The following SMURF1 variants were observed in gnomAD, a reference collection of about 807,000 sequenced individuals.
SMURF1 encodes SMAD specific E3 ubiquitin protein ligase 1, also known as E3 ubiquitin-protein ligase SMURF1.
SMURF1 carries 44 observed loss-of-function variants against 98.0 expected under a neutral mutation model. The observed-to-expected ratio is 0.45, with a 90% CI of 0.35 to 0.58. The LOEUF (loss-of-function observed/expected upper bound fraction) is 0.58. Among genes scored for constraint, SMURF1 ranks in the 20% least tolerant of loss-of-function variants. The pLI is 0.00. For synonymous variants in SMURF1, 396 were observed against 374.9 expected, an observed-to-expected ratio of 1.06 and a Z score of -0.65; for missense variants, 687 against 938.4, an observed-to-expected ratio of 0.73 and a Z score of 3.50.
chr7:99,063,237 TTATTTATATATATATATATATATATA>T (rs1796082239), intron 1 of SMURF1, among the ~76,000 whole-genome samples: 1 of 76,912 alleles, frequency 1.3e-5, no homozygotes, highest in African/African-American at 7.0e-5. Flanking sequence ...TATATAAGAT[TTATTTATATATATATATATATATATA>T]TATATATATA....
At chr7:99,134,349 G>A (rs1258331356) in intron 1 of SMURF1, among the ~76,000 whole-genome samples, 5 of 152,112 alleles carry the variant, frequency 3.3e-5, no homozygotes. Flanking sequence ...CTCAAGTGAG[G>A]AACCACGCGA....
chr7:99,087,752 T>C (rs1447876302), intron 1 of SMURF1, among the ~76,000 whole-genome samples: 1 of 152,176 alleles, frequency 6.6e-6, no homozygotes, highest in East Asian at 1.9e-4. Flanking sequence ...GTCCATTCTT[T>C]CCAGCCCCGC....
intron 1 of SMURF1, among the ~76,000 whole-genome samples, chr7:99,122,889 A>T (rs1440797310): frequency 1.3e-5 from 2 of 151,666 alleles, no homozygotes; most frequent in African/African-American, 4.8e-5. Flanking sequence ...AAATCCTCTC[A>T]ACTTGGTTCA....
chr7:99,046,465 C>T (rs1008759047), intron 10 of SMURF1, among the ~76,000 whole-genome samples: 1 of 151,966 alleles, frequency 6.6e-6, no homozygotes, highest in African/African-American at 2.4e-5. Context: ...GCGGTGGCTC[C>T]GCCTGTAATC....
At chr7:99,089,471 T>C (rs1166508576) in intron 1 of SMURF1, among the ~76,000 whole-genome samples, 1 of 151,560 alleles carries the variant, frequency 6.6e-6, no homozygotes, top group Non-Finnish European at 1.5e-5. Context: ...AAACCTCATC[T>C]CTACAAAAAA....
At chr7:99,054,591 C>T (rs1228823051) in intron 6 of SMURF1, among the ~76,000 whole-genome samples, 199 bp downstream of exon 6, 1 of 152,210 alleles carries the variant, frequency 6.6e-6, no homozygotes, top group Admixed American at 6.5e-5. Flanking sequence ...TAAGCGTGAG[C>T]CACCACGCCC....
chr7:99,035,558 A>C lies in SMURF1; in HGVS notation c.1968T>G (p.Thr656=). 9.3e-6 allele frequency: 15 copies of C among 1,614,208 alleles called. No homozygotes were observed. The highest frequency in any genetic ancestry group is 1.3e-5 in the Non-Finnish European group (15 of 1,180,048). Reference sequence around the variant, plus strand: ...CTTGGAGCGGGACTCGCGTGGACCCAGTCACAAACTGCAGGAGCCTGGCCC... The same window carrying C: ...CTTGGAGCGGGACTCGCGTGGACCCCGTCACAAACTGCAGGAGCCTGGCCC... The part of the protein sequence containing the change: ...ERRARLLQFV[T]GSTRVPLQGF... Residue 656 remains threonine, a synonymous_variant, in exon 16 of 18, where the codon ACT becomes ACG. Transcript: ENST00000361368.
intron 9 of SMURF1, chr7:99,049,231 C>A (rs190477423): frequency 3.7e-5 from 10 of 272,568 alleles, no homozygotes; most frequent in Non-Finnish European, 7.0e-5. Context: ...GGGGATAGCA[C>A]GTATCTCTAC....
chr7:99,107,226 A>G (rs1051903222), intron 1 of SMURF1, among the ~76,000 whole-genome samples: 65 of 152,334 alleles, frequency 4.3e-4, no homozygotes, highest in Admixed American at 1.2e-3. Flanking sequence ...TATAGAAAGC[A>G]TTCTTTTCTG....
rs891552204 is a variant in SMURF1 at position 99,101,712 on chromosome 7, G to C, written c.56-39875C>G. Among the ~76,000 whole-genome samples the C allele has an allele frequency of 3.3e-5, 5 of 152,332 alleles. No homozygotes were observed. The East Asian group carries it at 9.7e-4, about 29-fold the overall frequency. Reference sequence around the variant, plus strand: ...CCCAGCACTTCGGGAGGCCGAGGCAGGCGGATCGCCTGAGGTCAGGAGTTG... The same window carrying C: ...CCCAGCACTTCGGGAGGCCGAGGCACGCGGATCGCCTGAGGTCAGGAGTTG... On this transcript the variant is annotated intron_variant, in intron 1 of 17. Coordinates refer to ENST00000361368, the MANE Select transcript of SMURF1 (RefSeq NM_181349.3).
chr7:99,063,260 T>TATAAG (rs1796095224), intron 1 of SMURF1, among the ~76,000 whole-genome samples: 1 of 6,476 alleles, frequency 1.5e-4, no homozygotes, highest in Admixed American at 2.2e-3. Flanking sequence ...TATATATATA[T>TATAAG]ATATATATAT....
At chr7:99,044,938 C>T (rs1018578855) in intron 11 of SMURF1, among the ~76,000 whole-genome samples, 1 of 152,176 alleles carries the variant, frequency 6.6e-6, no homozygotes, top group South Asian at 2.1e-4. Flanking sequence ...GAGTTTGAGA[C>T]CAGCCTGGGC....
chr7:99,070,498 C>A (rs1796292230), intron 1 of SMURF1, among the ~76,000 whole-genome samples: 1 of 152,180 alleles, frequency 6.6e-6, no homozygotes, highest in Non-Finnish European at 1.5e-5. Context: ...AAATTAAACC[C>A]TTTCTTTATT....
chr7:99,067,894 C>G lies in SMURF1; in HGVS notation c.56-6057G>C, dbSNP rs7800815. Among the ~76,000 whole-genome samples, 1,242 of 152,220 alleles carry G rather than the reference C, an allele frequency of 8.2e-3. 9 individuals are homozygous for G. The highest frequency in any genetic ancestry group is 0.026 in the African/African-American group (1,073 of 41,532). On this transcript the variant is annotated intron_variant, in intron 1 of 17. Transcript: ENST00000361368. ...GCTTGAATCTGGGAGGTGGAGGTTGCAGTGAGCCAAGATCACGCCACTGCA... is the reference window on the plus strand; with the variant it reads ...GCTTGAATCTGGGAGGTGGAGGTTGGAGTGAGCCAAGATCACGCCACTGCA...
intron 17 of SMURF1, among the ~76,000 whole-genome samples, chr7:99,032,623 C>A (rs570825332): frequency 1.3e-5 from 2 of 152,278 alleles, no homozygotes; most frequent in East Asian, 1.9e-4. Context: ...GAGCCGAGAT[C>A]GTGCCACTGC....
intron 11 of SMURF1, among the ~76,000 whole-genome samples, chr7:99,042,932 T>C (rs571105983): frequency 2.0e-5 from 3 of 152,162 alleles, no homozygotes; most frequent in African/African-American, 7.2e-5. Context: ...ACAAAAAATA[T>C]CAAACAAAAA....
At chr7:99,100,025 G>T (rs1282261600) in intron 1 of SMURF1, among the ~76,000 whole-genome samples, 1 of 151,478 alleles carries the variant, frequency 6.6e-6, no homozygotes, top group Non-Finnish European at 1.5e-5. Context: ...CAAATCCCCG[G>T]AGAATCCTGG....
chr7:99,039,162 C>G (rs1393243605), intron 13 of SMURF1, among the ~76,000 whole-genome samples: 1 of 127,708 alleles, frequency 7.8e-6, no homozygotes. Flanking sequence ...CCACTGCACT[C>G]GAGCCTGGGT....
At chr7:99,093,653 T>C (rs1169215370) in intron 1 of SMURF1, among the ~76,000 whole-genome samples, 2 of 152,172 alleles carry the variant, frequency 1.3e-5, no homozygotes, top group Non-Finnish European at 2.9e-5. Context: ...AAGAATAGTT[T>C]ATGACTACTT....
Sources: allele counts gnomAD v4.1 joint callset (sites outside exome capture counted in the v4.1 genomes callset), GRCh38; gene constraint gnomAD v4.1.1; transcripts MANE v1.5; gene names NCBI Gene and HGNC (gene_info 2026-07-23, HGNC 2026-07-21).